Variants in HHAT observed in about 807,000 individuals in gnomAD.
The protein encoded by HHAT is hedgehog acyltransferase, also known as protein-cysteine N-palmitoyltransferase HHAT.
HHAT carries 47 observed loss-of-function variants against 70.8 expected under a neutral mutation model. The ratio of observed to expected loss-of-function variants is 0.66; its 90% CI spans 0.53 to 0.85. HHAT has a LOEUF of 0.85. HHAT is among the 40% of genes least tolerant of loss of function. The probability of loss-of-function intolerance (pLI) is 0.00; values close to 1 mark genes in which losing one functional copy is unlikely to be tolerated. For synonymous variants in HHAT, 228 were observed against 247.6 expected, an observed-to-expected ratio of 0.92 and a Z score of 0.74; for missense variants, 609 against 604.8, an observed-to-expected ratio of 1.01 and a Z score of -0.07.
In HHAT at chr1:210,590,823, C is replaced by T. The variant is rs553095490; in HGVS notation, c.1245+2724C>T. Among the ~76,000 whole-genome samples, 14 of 152,264 alleles carry T rather than the reference C, an allele frequency of 9.2e-5. No individual in the cohort carries two copies. The South Asian group carries it at 2.9e-3, about 32-fold the overall frequency. On this transcript the variant is annotated intron_variant, in intron 10 of 11. Coordinates refer to ENST00000261458, the MANE Select transcript of HHAT (RefSeq NM_018194.6). ...GGTTTACAAATAAAATTAACCATCA[C>T]ACCCTTTCTTCATGGTGTATATCCT...
At chr1:210,477,502 T>C (rs2094323153) in intron 8 of HHAT, among the ~76,000 whole-genome samples, 1 of 152,092 alleles carries the variant, frequency 6.6e-6, no homozygotes, top group African/African-American at 2.4e-5. Flanking sequence ...CCACCTGATG[T>C]CCACTGCAGG....
At chr1:210,505,582 T>C (rs1009756461) in intron 8 of HHAT, among the ~76,000 whole-genome samples, 1 of 152,206 alleles carries the variant, frequency 6.6e-6, no homozygotes, top group East Asian at 1.9e-4. Context: ...AATCAGGGCT[T>C]CTTGAGTCTA....
intron 1 of HHAT, among the ~76,000 whole-genome samples, chr1:210,336,223 G>A (rs1365470012): frequency 6.6e-6 from 1 of 150,798 alleles, no homozygotes; most frequent in East Asian, 2.0e-4. Context: ...GGGCTCAAGC[G>A]ATCCTGTCAC....
intron 7 of HHAT, among the ~76,000 whole-genome samples, chr1:210,445,321 T>C (rs1382978283): frequency 6.6e-6 from 1 of 152,232 alleles, no homozygotes; most frequent in African/African-American, 2.4e-5. Flanking sequence ...ACAGACTATT[T>C]TCTTTTTTTC....
At chr1:210,429,665 A>G (rs576377684) in intron 7 of HHAT, among the ~76,000 whole-genome samples, 28 of 151,842 alleles carry the variant, frequency 1.8e-4, no homozygotes, top group African/African-American at 6.8e-4. Context: ...GATGCGTATA[A>G]TGTCAGGTGG....
intron 2 of HHAT, among the ~76,000 whole-genome samples, chr1:210,357,300 A>T (rs2087742753): frequency 1.3e-5 from 2 of 152,298 alleles, no homozygotes; most frequent in South Asian, 4.1e-4. Flanking sequence ...AGAAGCAGGA[A>T]AGTTACTCCC....
intron 8 of HHAT, among the ~76,000 whole-genome samples, chr1:210,504,983 C>T (rs1403804912): frequency 6.9e-6 from 1 of 145,588 alleles, no homozygotes; most frequent in African/African-American, 2.5e-5. Flanking sequence ...ACTCCAACAA[C>T]CACCTCCTGG....
chr1:210,584,244 A>G (rs1315317499), intron 9 of HHAT, among the ~76,000 whole-genome samples: 4 of 152,002 alleles, frequency 2.6e-5, no homozygotes, highest in Non-Finnish European at 4.4e-5. Flanking sequence ...CCCCAGCTGC[A>G]GCTCACTTTT....
chr1:210,345,029 T>G (rs1205882358), intron 1 of HHAT, among the ~76,000 whole-genome samples: 2 of 152,114 alleles, frequency 1.3e-5, no homozygotes, highest in Non-Finnish European at 2.9e-5. Flanking sequence ...AAGGCAAGAG[T>G]CTAGACCGTC....
intron 6 of HHAT, among the ~76,000 whole-genome samples, chr1:210,412,798 C>G (rs959673737): frequency 6.6e-6 from 1 of 152,218 alleles, no homozygotes; most frequent in African/African-American, 2.4e-5. Context: ...CCTCATGGCT[C>G]TGCTGGGCCC....
At chr1:210,526,177 G>A (rs1008915223) in intron 9 of HHAT, among the ~76,000 whole-genome samples, 11 of 152,068 alleles carry the variant, frequency 7.2e-5, no homozygotes, top group African/African-American at 2.2e-4. Flanking sequence ...AGTCCTACGC[G>A]CAGCACTGGA....
chr1:210,527,206 G>T (rs61828095), intron 9 of HHAT, among the ~76,000 whole-genome samples: 24,828 of 151,996 alleles, frequency 0.16, 2,522 homozygotes, highest in Middle Eastern at 0.26. Context: ...TAGTGCATGT[G>T]TCTAGGCTGG....
At chr1:210,329,296 G>A in intron 1 of HHAT, 192 bp downstream of exon 1, 1 of 1,226,724 alleles carries the variant, frequency 8.2e-7, no homozygotes, top group African/African-American at 1.6e-5. Context: ...GGGGCCGCGC[G>A]CGCAGTGCGC....
At chr1:210,524,386 G>A (rs1159513265) in intron 9 of HHAT, among the ~76,000 whole-genome samples, 1 of 152,184 alleles carries the variant, frequency 6.6e-6, no homozygotes, top group Non-Finnish European at 1.5e-5. Flanking sequence ...AAGGCAGCGG[G>A]CAACACAGAG....
chr1:210,553,414 T>G (rs1460557243), intron 9 of HHAT, among the ~76,000 whole-genome samples: 1 of 152,232 alleles, frequency 6.6e-6, no homozygotes, highest in Non-Finnish European at 1.5e-5. Flanking sequence ...GACATTCTTC[T>G]GCTGAGGCCC....
intron 10 of HHAT, among the ~76,000 whole-genome samples, chr1:210,598,981 A>G (rs1004690295): frequency 6.6e-6 from 1 of 152,140 alleles, no homozygotes; most frequent in African/African-American, 2.4e-5. Flanking sequence ...GAAGAATTCT[A>G]TTTCTTGGTG....
At chr1:210,591,994 T>A (rs566875475) in intron 10 of HHAT, among the ~76,000 whole-genome samples, 1 of 152,216 alleles carries the variant, frequency 6.6e-6, no homozygotes, top group South Asian at 2.1e-4. Flanking sequence ...TCTCTTCACT[T>A]TGTTGATTGT....
At chr1:210,602,608 A>G (rs1664525159) in intron 10 of HHAT, among the ~76,000 whole-genome samples, 1 of 152,050 alleles carries the variant, frequency 6.6e-6, no homozygotes, top group African/African-American at 2.4e-5. Flanking sequence ...CCATGCTTAG[A>G]AATTTAGGAA....
At chr1:210,562,803 C>A (rs58332712) in intron 9 of HHAT, among the ~76,000 whole-genome samples, 4 of 109,348 alleles carry the variant, frequency 3.7e-5, no homozygotes, top group African/African-American at 9.7e-5. Flanking sequence ...TATCCCTCCC[C>A]CCTCCCCCCA....
Sources: allele counts gnomAD v4.1 joint callset (sites outside exome capture counted in the v4.1 genomes callset), GRCh38; gene constraint gnomAD v4.1.1; transcripts MANE v1.5; gene names NCBI Gene and HGNC (gene_info 2026-07-23, HGNC 2026-07-21).